EIF5B: variants seen among roughly 807,000 people sequenced by gnomAD.
The protein encoded by EIF5B is eukaryotic translation initiation factor 5B, also known as eIF-5B.
In EIF5B, 47 loss-of-function variants were observed where a neutral mutation model predicts 147.5. The observed-to-expected ratio is 0.32, with a 90% CI of 0.25 to 0.41. The LOEUF (loss-of-function observed/expected upper bound fraction) is 0.41, where lower values mean the gene tolerates loss of function less well. EIF5B is among the 10% of genes least tolerant of loss of function. The pLI, the probability that EIF5B is intolerant of heterozygous loss-of-function variation, is 1.00. For missense variants in EIF5B, 1,064 were observed against 1,413.2 expected (o/e 0.75, Z 3.96); for synonymous variants, 455 against 456.2 (o/e 1.00, Z 0.03).
chr2:99,388,307 C>A (rs1202922638), intron 14 of EIF5B, among the ~76,000 whole-genome samples: 1 of 152,094 alleles, frequency 6.6e-6, no homozygotes, highest in Non-Finnish European at 1.5e-5. Context: ...ACTAACTAGA[C>A]CTTCTAAATA....
chr2:99,346,203 A>G (rs1308235587), intron 1 of EIF5B, among the ~76,000 whole-genome samples: 1 of 152,094 alleles, frequency 6.6e-6, no homozygotes, highest in East Asian at 1.9e-4. Flanking sequence ...GAATGGGAGT[A>G]TGCTGTGTGT....
intron 9 of EIF5B, among the ~76,000 whole-genome samples, chr2:99,375,571 C>G (rs1377348177): frequency 6.6e-6 from 1 of 152,196 alleles, no homozygotes; most frequent in African/African-American, 2.4e-5. Flanking sequence ...AGCCTTTCAT[C>G]TGCCTCTTCC....
Position 99,361,827 on chromosome 2 carries a change from T to C in EIF5B, c.919+7T>C. ...ACTCCCACAGCTGCAGAAGGTTGGTTAATACTTTAGAGGAAAGAGCAAAAG... is the reference window on the plus strand; with the variant it reads ...ACTCCCACAGCTGCAGAAGGTTGGTCAATACTTTAGAGGAAAGAGCAAAAG... On this transcript the variant is annotated splice_region_variant and intron_variant, in intron 4 of 23. Coordinates refer to ENST00000289371, the MANE Select transcript of EIF5B (RefSeq NM_015904.4). 6.6e-7 allele frequency: 1 copy of C among 1,525,252 alleles called. No individual in the cohort carries two copies. The highest frequency in any genetic ancestry group is 8.7e-7 in the Non-Finnish European group (1 of 1,147,954). The allele number at this position is 1,525,252 out of a possible 1,614,324, so 94.5% of individuals were successfully genotyped here.
intron 1 of EIF5B, among the ~76,000 whole-genome samples, chr2:99,348,472 TTGA>T (rs1471065157): frequency 1.3e-5 from 2 of 152,208 alleles, no homozygotes; most frequent in African/African-American, 4.8e-5. Flanking sequence ...TATGTAACTG[TTGA>T]TGATCAAAGA....
rs919847060 is a variant in EIF5B at position 99,401,223 on chromosome 2, C to T, written c.*1809C>T. The stretch of plus-strand genomic sequence containing the variant: ...TTATGGCACAGCTATCAGAGAGCAT[C>T]AGGCTCTCTGGTAATATTTATGTAA... On this transcript the variant is annotated 3_prime_UTR_variant, in exon 24 of 24. Coordinates refer to ENST00000289371, the MANE Select transcript of EIF5B (RefSeq NM_015904.4). 1.4e-6 allele frequency: 2 copies of T among 1,440,038 alleles called. No homozygotes were observed. The highest frequency in any genetic ancestry group is 9.8e-7 in the Non-Finnish European group (1 of 1,021,796). The allele number at this position is 1,440,038 out of a possible 1,614,324, so 89.2% of individuals were successfully genotyped here. A position where few individuals can be genotyped will look rare whatever the true frequency, so the allele number is the denominator to read the frequency against.
chr2:99,344,944 A>G (rs1282067209), intron 1 of EIF5B, among the ~76,000 whole-genome samples: 1 of 152,204 alleles, frequency 6.6e-6, no homozygotes, highest in Non-Finnish European at 1.5e-5. Flanking sequence ...ATATTTCAAG[A>G]AATTATATAA....
At chr2:99,338,081 T>G (rs2094248236) in intron 1 of EIF5B, among the ~76,000 whole-genome samples, 1 of 152,244 alleles carries the variant, frequency 6.6e-6, no homozygotes. Context: ...CAGTTCGCTG[T>G]CTCTCAACTT....
rs766493675 is a variant in EIF5B at position 99,368,582 on chromosome 2, A to G, written c.1378A>G (p.Ser460Gly). 30 of 1,612,218 alleles carry G rather than the reference A, an allele frequency of 1.9e-5. No individual in the cohort carries two copies. The Admixed American group carries it at 4.2e-4, about 22-fold the overall frequency. ...KRKKIPQQLE[S>G]KEVSESMELC... ...GAAAAAAATACCACAGCAGCTAGAA[A>G]GTAAAGAAGGTTTGTATACAAAATA... The change falls in exon 7 of 24, where the codon AGT (serine) becomes GGT (glycine). Residue 460 changes from serine (S) to glycine (G), a missense_variant. Coordinates refer to ENST00000289371, the MANE Select transcript of EIF5B (RefSeq NM_015904.4).
At chr2:99,396,289 G>T (rs548540895) in intron 21 of EIF5B, among the ~76,000 whole-genome samples, 1 of 152,306 alleles carries the variant, frequency 6.6e-6, no homozygotes, top group South Asian at 2.1e-4. Context: ...TGGCCTTTTG[G>T]ATCAATGGTT....
At chr2:99,355,247 A>T (rs760807127) in intron 1 of EIF5B, among the ~76,000 whole-genome samples, 1 of 152,084 alleles carries the variant, frequency 6.6e-6, no homozygotes, top group African/African-American at 2.4e-5. Flanking sequence ...TCTTTTTTCA[A>T]AATTGGTTTA....
intron 14 of EIF5B, 142 bp from the exon 15 acceptor site, chr2:99,389,576 C>G: frequency 3.1e-6 from 2 of 640,182 alleles, no homozygotes. Flanking sequence ...CTGAAAGGAG[C>G]TTTTGGTACA....
chr2:99,394,117 A>T (rs1217403129), intron 18 of EIF5B, 150 bp from the exon 19 acceptor site: 4 of 1,004,982 alleles, frequency 4.0e-6, no homozygotes, highest in Middle Eastern at 3.4e-4. Flanking sequence ...CCTTCATTCC[A>T]GCACAGGTTC....
chr2:99,375,205 C>T (rs57550691), intron 9 of EIF5B, among the ~76,000 whole-genome samples: 13,608 of 152,092 alleles, frequency 0.089, 797 homozygotes, highest in Non-Finnish European at 0.12. Flanking sequence ...GTTCTTCTCA[C>T]GTAAATTGTT....
At chr2:99,361,911 TC>T in intron 4 of EIF5B, 91 bp downstream of exon 4, 1 of 1,261,378 alleles carries the variant, frequency 7.9e-7, no homozygotes, top group Non-Finnish European at 1.1e-6. Flanking sequence ...TTGTTATTTG[TC>T]CATGGGTATA....
At chr2:99,359,627 C>G (rs1011430127) in intron 1 of EIF5B, among the ~76,000 whole-genome samples, 1 of 152,136 alleles carries the variant, frequency 6.6e-6, no homozygotes, top group East Asian at 1.9e-4. Flanking sequence ...AAACCAGGAG[C>G]AAGCAGGTTT....
intron 8 of EIF5B, among the ~76,000 whole-genome samples, chr2:99,370,428 A>G (rs1674424043): frequency 1.3e-5 from 2 of 152,220 alleles, no homozygotes; most frequent in Admixed American, 6.5e-5. Flanking sequence ...GGTGAATTAT[A>G]TTATTGATAG....
chr2:99,378,134 T>C (rs1674602077), intron 10 of EIF5B, among the ~76,000 whole-genome samples: 1 of 152,190 alleles, frequency 6.6e-6, no homozygotes, highest in African/African-American at 2.4e-5. Flanking sequence ...ACTTTTGGTA[T>C]TTTAAAAAGT....
chr2:99,389,995 C>T (rs1436467778), intron 15 of EIF5B, 146 bp downstream of exon 15: 6 of 1,256,006 alleles, frequency 4.8e-6, no homozygotes, highest in Non-Finnish European at 6.5e-6. Flanking sequence ...TCCCTTTTCT[C>T]CTTTTTCTTT....
At chr2:99,382,996 A>T in intron 14 of EIF5B, 75 bp downstream of exon 14, 1 of 1,440,742 alleles carries the variant, frequency 6.9e-7, no homozygotes. Context: ...AAGTAGTATA[A>T]TTAACTTACA....
Sources: gnomAD v4.1 joint callset for allele counts (sites outside exome capture counted in the v4.1 genomes callset) on GRCh38, gnomAD v4.1.1 for gene constraint, MANE v1.5 for transcripts, NCBI Gene and HGNC (gene_info 2026-07-23, HGNC 2026-07-21) for gene names.